The following CCSER1 variants were observed in gnomAD, a reference collection of about 807,000 sequenced individuals.
CCSER1 encodes serine-rich coiled-coil domain-containing protein 1.
A neutral mutation model predicts 82.0 loss-of-function variants in CCSER1; 41 were observed. The observed-to-expected ratio is 0.50, with a 90% confidence interval of 0.39 to 0.65. The LOEUF is 0.65. Ranked by LOEUF, CCSER1 falls within the 30% of genes least tolerant of loss-of-function variation. The probability of loss-of-function intolerance (pLI) is 0.00; values close to 1 mark genes in which losing one functional copy is unlikely to be tolerated. For synonymous variants in CCSER1, 414 were observed against 383.9 expected, an observed-to-expected ratio of 1.08 and a Z score of -0.92; for missense variants, 1,119 against 1,064.2, an observed-to-expected ratio of 1.05 and a Z score of -0.72.
intron 10 of CCSER1, among the ~76,000 whole-genome samples, chr4:91,185,561 G>T (rs1424958574): frequency 6.6e-6 from 1 of 152,182 alleles, no homozygotes; most frequent in African/African-American, 2.4e-5. Flanking sequence ...CATTGTATGG[G>T]GATGAGGGAA....
chr4:90,545,095 C>A (rs962662673), intron 5 of CCSER1, among the ~76,000 whole-genome samples: 15 of 152,084 alleles, frequency 9.9e-5, no homozygotes, highest in African/African-American at 3.4e-4. Context: ...TTCCCTCTTT[C>A]AAATTTCTGG....
chr4:90,791,832 A>AC lies in CCSER1; in HGVS notation c.2011-23930_2011-23929insC, dbSNP rs1554014618. On this transcript the variant is annotated intron_variant, in intron 7 of 10. Transcript: ENST00000509176. The stretch of plus-strand genomic sequence containing the variant: ...GCGAGACTGTCTCAAAAAAAAAAAA[A>AC]ACACACACACACACACGTTTATAAG... Among the ~76,000 whole-genome samples, 706 of 130,660 alleles carry AC rather than the reference A, an allele frequency of 5.4e-3. 2 individuals carry two copies. The highest frequency in any genetic ancestry group is 8.2e-3 in the Non-Finnish European group (467 of 56,714). The allele number at this position is 130,660 out of a possible 152,430, so 85.7% of individuals were successfully genotyped here.
chr4:90,566,936 G>A (rs780708100), intron 5 of CCSER1, among the ~76,000 whole-genome samples: 2 of 151,126 alleles, frequency 1.3e-5, no homozygotes, highest in Admixed American at 6.6e-5. Context: ...TGTATCAATT[G>A]TAACGTCTCC....
intron 10 of CCSER1, among the ~76,000 whole-genome samples, chr4:91,229,399 C>G (rs1191962821): frequency 2.0e-5 from 3 of 151,372 alleles, no homozygotes; most frequent in Admixed American, 2.0e-4. Context: ...GGAGAATTCT[C>G]CAGTCATCTG....
intron 10 of CCSER1, among the ~76,000 whole-genome samples, chr4:91,375,264 A>C (rs1048969213): frequency 1.3e-5 from 2 of 152,198 alleles, no homozygotes; most frequent in African/African-American, 4.8e-5. Context: ...TAGCAAGAGA[A>C]CTAGAAGTGG....
At chr4:91,281,634 C>A (rs915871643) in intron 10 of CCSER1, among the ~76,000 whole-genome samples, 1 of 152,090 alleles carries the variant, frequency 6.6e-6, no homozygotes. Flanking sequence ...AAATGTAAAG[C>A]CAAGGTCTTC....
chr4:91,292,752 A>G (rs961455447), intron 10 of CCSER1, among the ~76,000 whole-genome samples: 1 of 152,012 alleles, frequency 6.6e-6, no homozygotes, highest in African/African-American at 2.4e-5. Flanking sequence ...AGAATCATTA[A>G]AACAGAGCAA....
At chr4:90,945,908 T>A (rs1485642631) in intron 9 of CCSER1, among the ~76,000 whole-genome samples, 2 of 152,168 alleles carry the variant, frequency 1.3e-5, no homozygotes, top group Non-Finnish European at 2.9e-5. Flanking sequence ...ATAAAGTAAT[T>A]ACTCTATATG....
chr4:90,853,042 A>T (rs889137922), intron 8 of CCSER1, among the ~76,000 whole-genome samples: 2 of 152,124 alleles, frequency 1.3e-5, no homozygotes, highest in African/African-American at 4.8e-5. Flanking sequence ...AAAGTACGGA[A>T]TAAAGAAGTA....
Position 91,194,159 on chromosome 4 carries a change from G to A in CCSER1, c.2217+108165G>A, listed in dbSNP as rs561822565. ...TAATTTTTGTATTTTTAGTAGAGAC[G>A]GAGTTTCACCACATGGCTCAGGCTT... On this transcript the variant is annotated intron_variant, in intron 10 of 10. Transcript: ENST00000509176. Among the ~76,000 whole-genome samples, 7 of 152,086 alleles carry A rather than the reference G, an allele frequency of 4.6e-5. No homozygotes were observed. In the East Asian group the frequency reaches 9.7e-4, roughly 21 times the overall value.
At chr4:90,757,539 G>T (rs995199015) in intron 7 of CCSER1, among the ~76,000 whole-genome samples, 3 of 152,128 alleles carry the variant, frequency 2.0e-5, no homozygotes, top group African/African-American at 7.2e-5. Context: ...CCAAAGCAAT[G>T]GCCTCCTATA....
intron 10 of CCSER1, among the ~76,000 whole-genome samples, chr4:91,196,941 T>C (rs1342192964): frequency 6.6e-6 from 1 of 152,238 alleles, no homozygotes; most frequent in East Asian, 1.9e-4. Context: ...AGTGCCTATA[T>C]TGGTCAGGGA....
chr4:91,048,113 G>A (rs191744942), intron 9 of CCSER1, among the ~76,000 whole-genome samples: 251 of 151,958 alleles, frequency 1.7e-3, no homozygotes, highest in African/African-American at 5.8e-3. Flanking sequence ...CAAATACTGT[G>A]TAGCTATTTA....
At chr4:90,696,000 G>A (rs890830813) in intron 6 of CCSER1, among the ~76,000 whole-genome samples, 166 of 152,080 alleles carry the variant, frequency 1.1e-3, no homozygotes, top group African/African-American at 4.0e-3. Flanking sequence ...ATGAATAAAA[G>A]TATGCATGTT....
chr4:91,442,123 T>G (rs1755207463), intron 10 of CCSER1, among the ~76,000 whole-genome samples: 1 of 151,710 alleles, frequency 6.6e-6, no homozygotes, highest in South Asian at 2.1e-4. Flanking sequence ...AAAAACTACT[T>G]TAAAGTTCAT....
chr4:90,672,675 A>C (rs1733019087), intron 6 of CCSER1, among the ~76,000 whole-genome samples: 1 of 152,056 alleles, frequency 6.6e-6, no homozygotes, highest in East Asian at 1.9e-4. Flanking sequence ...GGCTTGTCTC[A>C]GTTTTAGACA....
At chr4:90,394,833 T>C (rs1751730052) in intron 3 of CCSER1, among the ~76,000 whole-genome samples, 1 of 152,222 alleles carries the variant, frequency 6.6e-6, no homozygotes, top group Non-Finnish European at 1.5e-5. Context: ...ATTCATGGTG[T>C]ACAACATGAT....
chr4:90,542,628 T>C (rs1776254065), intron 5 of CCSER1, among the ~76,000 whole-genome samples: 1 of 152,160 alleles, frequency 6.6e-6, no homozygotes, highest in Non-Finnish European at 1.5e-5. Context: ...GAAAAGCTTT[T>C]ATCTTTTAGT....
chr4:90,461,976 A>G (rs1762983810), intron 4 of CCSER1, among the ~76,000 whole-genome samples: 1 of 152,208 alleles, frequency 6.6e-6, no homozygotes, highest in Admixed American at 6.5e-5. Context: ...TAAGGAATGA[A>G]TATATATGCC....
Sources: allele counts gnomAD v4.1 joint callset (sites outside exome capture counted in the v4.1 genomes callset), GRCh38; gene constraint gnomAD v4.1.1; transcripts MANE v1.5; gene names NCBI Gene and HGNC (gene_info 2026-07-23, HGNC 2026-07-21).